PM20D1: variants seen among roughly 807,000 people sequenced by gnomAD.
PM20D1 encodes peptidase M20 domain containing 1.
Under a neutral mutation model 53.8 loss-of-function variants are expected in PM20D1, and 53 were observed. That is an observed-to-expected ratio of 0.98 (90% CI 0.79 to 1.24). PM20D1 has a LOEUF of 1.24. PM20D1 is among the 50% of genes most tolerant of loss of function. The pLI is 0.00. For missense variants in PM20D1, 564 were observed against 616.8 expected (o/e 0.91, Z 0.91); for synonymous variants, 239 against 241.3 (o/e 0.99, Z 0.09).
At chr1:205,838,812 G>C (rs1056413686) in intron 10 of PM20D1, among the ~76,000 whole-genome samples, 1 of 152,120 alleles carries the variant, frequency 6.6e-6, no homozygotes, top group African/African-American at 2.4e-5. Context: ...AACTACCCAG[G>C]TTAAAAACCT....
At position 205,844,820 on chromosome 1, in the gene PM20D1, A is replaced by G. The variant is rs773988389; in HGVS notation, c.567T>C (p.His189=). The G allele has an allele frequency of 5.6e-6, 9 of 1,613,848 alleles. No individual in the cohort carries two copies. The highest frequency in any genetic ancestry group is 3.3e-4 in the Middle Eastern group (2 of 6,062). Residue 189 remains histidine, a synonymous_variant, in exon 4 of 13, where the codon CAT becomes CAC. Transcript: ENST00000367136. ...PRRSFFISLG[H]DEESSGTGAQ... Reference sequence around the variant, plus strand: ...GGTGAGGAGGCTCTACCTCCTCATCATGGCCCAGAGAAATGAAGAAAGATC... The same window carrying G: ...GGTGAGGAGGCTCTACCTCCTCATCGTGGCCCAGAGAAATGAAGAAAGATC...
intron 10 of PM20D1, among the ~76,000 whole-genome samples, chr1:205,839,271 T>C (rs1260207265): frequency 2.0e-5 from 3 of 152,222 alleles, no homozygotes; most frequent in Non-Finnish European, 4.4e-5. Flanking sequence ...TAAGGCCCAG[T>C]TCAACATTTT....
chr1:205,850,009 C>G lies in PM20D1; in HGVS notation c.64G>C (p.Val22Leu). Reference sequence around the variant, plus strand: ...CTCCTCGGGCCCATCGATCTGGAGACGGTAGGGAAAACTAGGAGCAGCATA... The same window carrying G: ...CTCCTCGGGCCCATCGATCTGGAGAGGGTAGGGAAAACTAGGAGCAGCATA... ...VAMLLLVFPT[V>L]SRSMGPRSGE... Residue 22 changes from valine (V) to leucine (L), a missense_variant, in exon 1 of 13, where the codon GTC (valine) becomes CTC (leucine). Val to Leu is a conservative substitution (Grantham distance 32, BLOSUM62 1). Transcript: ENST00000367136. 1 of 1,614,128 alleles carries G rather than the reference C, an allele frequency of 6.2e-7. No homozygotes were observed.
At position 205,844,090 on chromosome 1, in the gene PM20D1, G is replaced by A; in HGVS notation, c.704C>T (p.Ala235Val). Residue 235 changes from alanine (A) to valine (V), a missense_variant, in exon 5 of 13, where the codon GCC becomes GTC. Physicochemically the swap from Ala to Val is moderately conservative, Grantham distance 64. Transcript: ENST00000367136. ...TGGGGTGGGATGCTTTACTCACAAG[G>A]CGATGGGCTTCTTGAAGTTAGGAAT... The part of the protein sequence containing the change: ...DFIPNFKKPI[A>V]LIAVSEKGSM... 2 of 1,610,636 alleles carry A rather than the reference G, an allele frequency of 1.2e-6. No individual in the cohort carries two copies. The highest frequency in any genetic ancestry group is 1.7e-6 in the Non-Finnish European group (2 of 1,178,372).
chr1:205,843,073 T>C (rs1656853886), intron 6 of PM20D1, among the ~76,000 whole-genome samples: 1 of 152,160 alleles, frequency 6.6e-6, no homozygotes, highest in African/African-American at 2.4e-5. Flanking sequence ...AATATAGCAC[T>C]CCTTCCCACT....
intron 10 of PM20D1, 43 bp downstream of exon 10, chr1:205,840,209 C>G: frequency 6.4e-7 from 1 of 1,571,270 alleles, no homozygotes. Flanking sequence ...GCCACATCTC[C>G]CTGATGCTGC....
Position 205,844,091 on chromosome 1 carries a change from C to A in PM20D1, c.703G>T (p.Ala235Ser), listed in dbSNP as rs373311318. Reference sequence around the variant, plus strand: ...GGGGTGGGATGCTTTACTCACAAGGCGATGGGCTTCTTGAAGTTAGGAATG... The same window carrying A: ...GGGGTGGGATGCTTTACTCACAAGGAGATGGGCTTCTTGAAGTTAGGAATG... The part of the protein sequence containing the change: ...DFIPNFKKPI[A>S]LIAVSEKGSM... Residue 235 changes from alanine to serine, a missense_variant, in exon 5 of 13, where the codon GCC becomes TCC. Ala to Ser is a moderately conservative substitution (Grantham distance 99). Coordinates refer to ENST00000367136, the MANE Select transcript of PM20D1 (RefSeq NM_152491.5). 1 of 1,610,262 alleles carries A rather than the reference C, an allele frequency of 6.2e-7. No individual in the cohort carries two copies. The highest frequency in any genetic ancestry group is 1.1e-5 in the South Asian group (1 of 90,398).
In PM20D1 at chr1:205,842,711, T is replaced by A. The variant is rs1431259992; in HGVS notation, c.868A>T (p.Thr290Ser). Residue 290 changes from threonine (T) to serine (S), a missense_variant, in exon 7 of 13, where the codon ACA (threonine) becomes TCA (serine). Transcript: ENST00000367136. ...AGTTGCTGCAATACAGTCACCACTG[T>A]CCCGCTTCCAAATATGATAGGCATT... is the stretch of plus-strand genomic sequence containing the variant. ...TPMPIIFGSG[T>S]VVTVLQQLAN... 3 of 1,613,966 alleles carry A rather than the reference T, an allele frequency of 1.9e-6. No individual in the cohort carries two copies. The African/African-American group carries it at 4.0e-5, about 22-fold the overall frequency.
Position 205,840,389 on chromosome 1 carries a change from G to T in PM20D1, c.1045-66C>A. On this transcript the variant is annotated intron_variant, in intron 9 of 12. Coordinates refer to ENST00000367136, the MANE Select transcript of PM20D1 (RefSeq NM_152491.5). ...AAATCTTCTACATCTGCCTGCCCAG[G>T]AAATGCTAATTTCCTCAGCTCAGGC... 3.4e-6 allele frequency: 5 copies of T among 1,466,478 alleles called. No individual in the cohort carries two copies. The South Asian group carries it at 3.6e-5, about 11-fold the overall frequency. 90.8% of individuals were successfully genotyped at this position (1,466,478 alleles called of 1,614,324 possible).
chr1:205,840,397 A>G, intron 9 of PM20D1, 74 bp from the exon 10 acceptor site: 2 of 1,389,158 alleles, frequency 1.4e-6, no homozygotes, highest in Non-Finnish European at 2.0e-6. Context: ...AGGAAATGCT[A>G]ATTTCCTCAG....
chr1:205,830,166 C>A, intron 12 of PM20D1, 114 bp downstream of exon 12: 1 of 789,674 alleles, frequency 1.3e-6, no homozygotes, highest in Admixed American at 2.4e-5. Context: ...TTTCATTTTG[C>A]CAAATCCTGG....
Position 205,842,165 on chromosome 1 carries a change from T to A in PM20D1, c.954A>T (p.Pro318=), listed in dbSNP as rs755478022. The change falls in exon 8 of 13, where the codon CCA becomes CCT. Residue 318 remains proline, a synonymous_variant. Transcript: ENST00000367136. The part of the protein sequence containing the change: ...IILSNPWLFE[P]LISRFMERNP... The stretch of plus-strand genomic sequence containing the variant: ...AGATAATACTTTACCTGCTTATAAG[T>A]GGTTCAAATAGCCATGGGTTGCTCA... 1.2e-6 allele frequency: 2 copies of A among 1,611,748 alleles called. No homozygotes were observed. Among genetic ancestry groups the A allele is most frequent in the East Asian group, 4.5e-5 (2 of 44,864 alleles).
chr1:205,850,132 T>C lies in PM20D1; in HGVS notation c.-60A>G. ...GTAGTTCTGACCTAAACGCCCAGACTAGCGTTTCTTGGCCCTAGCTCTGCT... is the reference window on the plus strand; with the variant it reads ...GTAGTTCTGACCTAAACGCCCAGACCAGCGTTTCTTGGCCCTAGCTCTGCT... On this transcript the variant is annotated 5_prime_UTR_variant, in exon 1 of 13. Transcript: ENST00000367136. 6.5e-7 allele frequency: 1 copy of C among 1,542,666 alleles called. No individual in the cohort carries two copies. Among genetic ancestry groups the C allele is most frequent in the Non-Finnish European group, 8.8e-7 (1 of 1,137,340 alleles).
At chr1:205,835,499 A>G (rs536131003) in intron 10 of PM20D1, among the ~76,000 whole-genome samples, 2 of 152,044 alleles carry the variant, frequency 1.3e-5, no homozygotes, top group South Asian at 4.2e-4. Flanking sequence ...AAAAATACAA[A>G]AAATTAGCTG....
intron 4 of PM20D1, 31 bp downstream of exon 4, chr1:205,844,780 C>G: frequency 1.3e-6 from 2 of 1,596,260 alleles, no homozygotes; most frequent in Non-Finnish European, 1.7e-6. Context: ...CAACAGAGGA[C>G]AGAGATAGGT....
In PM20D1 at chr1:205,849,955, G is replaced by T. The variant is rs895836855; in HGVS notation, c.118C>A (p.Pro40Thr). 1.2e-6 allele frequency: 2 copies of T among 1,613,976 alleles called. No individual in the cohort carries two copies. The highest frequency in any genetic ancestry group is 2.7e-5 in the African/African-American group (2 of 74,898). The change falls in exon 1 of 13, where the codon CCT becomes ACT. Residue 40 changes from proline to threonine, a missense_variant. Coordinates refer to ENST00000367136, the MANE Select transcript of PM20D1 (RefSeq NM_152491.5). Reference sequence around the variant, plus strand: ...CGTTCCTCTTTGCTGAACTGAGAAGGGATTCGCGACGCCCTTTGATGCTCC... The same window carrying T: ...CGTTCCTCTTTGCTGAACTGAGAAGTGATTCGCGACGCCCTTTGATGCTCC... ...SGEHQRASRI[P>T]SQFSKEERVA... is the part of the protein sequence containing the mutation.
intron 4 of PM20D1, 135 bp downstream of exon 4, chr1:205,844,674 TAC>T (rs1200348270): frequency 5.6e-6 from 4 of 718,380 alleles, no homozygotes; most frequent in African/African-American, 5.3e-5. Context: ...AGTCCTGGCA[TAC>T]AGACACACGG....
At chr1:205,842,525 C>G in intron 7 of PM20D1, 151 bp downstream of exon 7, 1 of 763,420 alleles carries the variant, frequency 1.3e-6, no homozygotes, top group Non-Finnish European at 2.2e-6. Context: ...CAAGCCAGAT[C>G]CCTGTGTCTT....
rs907091856 is a variant in PM20D1, at chr1:205,840,650, T to C, written c.1045-327A>G. ...CCATGCTGTGCTATTAGAAGCCTTC[T>C]GTGTGCACTTTCTTTCCCAGCACAC... On this transcript the variant is annotated intron_variant, in intron 9 of 12. Transcript: ENST00000367136. 2.6e-5 allele frequency among the ~76,000 whole-genome samples: 4 copies of C among 152,342 alleles called. No individual in the cohort carries two copies. The East Asian group carries it at 7.7e-4, about 29-fold the overall frequency.
Sources: gnomAD v4.1 joint callset for allele counts (sites outside exome capture counted in the v4.1 genomes callset) on GRCh38, gnomAD v4.1.1 for gene constraint, MANE v1.5 for transcripts, NCBI Gene and HGNC (gene_info 2026-07-23, HGNC 2026-07-21) for gene names.